Variants in DPP10 observed in about 807,000 individuals in gnomAD.
DPP10 encodes inactive dipeptidyl peptidase 10.
Under a neutral mutation model 120.9 loss-of-function variants are expected in DPP10, and 33 were observed. The ratio of observed to expected loss-of-function variants is 0.27; its 90% CI spans 0.21 to 0.37. The LOEUF is 0.37. Ranked by LOEUF, DPP10 falls within the 10% of genes least tolerant of loss-of-function variation. The pLI is 1.00. For missense variants in DPP10, 816 were observed against 942.8 expected (o/e 0.87, Z 1.76); for synonymous variants, 337 against 326.1 (o/e 1.03, Z -0.36).
chr2:114,779,826 A>G (rs1682124801), intron 1 of DPP10, among the ~76,000 whole-genome samples: 1 of 152,158 alleles, frequency 6.6e-6, no homozygotes, highest in Non-Finnish European at 1.5e-5. Flanking sequence ...ACATTTTCTC[A>G]TGAGGATAAC....
At position 115,527,398 on chromosome 2, in the gene DPP10, A is replaced by T. The variant is rs181366153; in HGVS notation, c.441+1426A>T. 2.5e-3 allele frequency among the ~76,000 whole-genome samples: 384 copies of T among 152,268 alleles called. 1 individual carries two copies. Among genetic ancestry groups the T allele is most frequent in the Non-Finnish European group, 4.0e-3 (274 of 68,020 alleles). On this transcript the variant is annotated intron_variant, in intron 5 of 25. Transcript: ENST00000410059. ...GCCACACACCTTATACAAACTCAGA[A>T]TGGATCATGCTTTTAAATGTAAAGT...
intron 1 of DPP10, chr2:115,162,159 C>G (rs1380536014): frequency 6.0e-5 from 92 of 1,541,756 alleles, no homozygotes; most frequent in Non-Finnish European, 8.0e-5. Flanking sequence ...CGCCCCAGTT[C>G]CAGGCTCTCC....
At chr2:115,378,791 C>G (rs1354841786) in intron 3 of DPP10, among the ~76,000 whole-genome samples, 2 of 152,164 alleles carry the variant, frequency 1.3e-5, no homozygotes, top group African/African-American at 4.8e-5. Flanking sequence ...AAGGCCTTTT[C>G]TGCATCTATT....
intron 1 of DPP10, among the ~76,000 whole-genome samples, chr2:114,961,069 T>TTTTTTTTTTTTTTTTTTTC (rs1698587372): frequency 9.0e-6 from 1 of 110,640 alleles, no homozygotes; most frequent in Admixed American, 1.0e-4. Flanking sequence ...TTTTTTTTTT[T>TTTTTTTTTTTTTTTTTTTC]TGGCAGAGTT....
At chr2:114,644,510 G>A (rs1038272784) in intron 1 of DPP10, among the ~76,000 whole-genome samples, 2 of 151,648 alleles carry the variant, frequency 1.3e-5, no homozygotes, top group Non-Finnish European at 2.9e-5. Flanking sequence ...ATCCAAAGTG[G>A]GACTCTCATT....
At chr2:114,494,165 T>C (rs1682287217) in intron 1 of DPP10, among the ~76,000 whole-genome samples, 1 of 150,408 alleles carries the variant, frequency 6.6e-6, no homozygotes, top group Admixed American at 6.6e-5. Flanking sequence ...AGCTGATTTC[T>C]GGAGGCAGAC....
chr2:115,554,904 C>T lies in DPP10; in HGVS notation c.441+28932C>T, dbSNP rs1247298052. ...GTTTTACTGAACAAATCACTCCTGA[C>T]ACATTGGGTTGAGTTATCTGCTGAT... On this transcript the variant is annotated intron_variant, in intron 5 of 25. Transcript: ENST00000410059. Among the ~76,000 whole-genome samples, 11 of 152,074 alleles carry T rather than the reference C, an allele frequency of 7.2e-5. 1 individual carries two copies. The highest frequency in any genetic ancestry group is 5.2e-4 in the Admixed American group (8 of 15,242).
intron 1 of DPP10, among the ~76,000 whole-genome samples, chr2:115,067,306 C>A (rs1415960443): frequency 6.6e-6 from 1 of 151,836 alleles, no homozygotes; most frequent in African/African-American, 2.4e-5. Flanking sequence ...GGCTGGAGTG[C>A]GGTGGCGCCA....
At chr2:114,914,903 G>T (rs187539591) in intron 1 of DPP10, among the ~76,000 whole-genome samples, 2 of 152,108 alleles carry the variant, frequency 1.3e-5, no homozygotes, top group Admixed American at 6.5e-5. Context: ...AGGCCGAGGC[G>T]GGCGGATCAT....
At position 115,768,362 on chromosome 2, in the gene DPP10, G is replaced by C. The variant is rs773626974; in HGVS notation, c.1179G>C (p.Gly393=). 6.2e-7 allele frequency: 1 copy of C among 1,613,576 alleles called. No individual in the cohort carries two copies. The highest frequency in any genetic ancestry group is 1.1e-5 in the South Asian group (1 of 91,070). Reference sequence around the variant, plus strand: ...TTATGACAGTGCCTGTTAAGCAAGGGGGACGTGGAGAATTTCACCACGTAG... The same window carrying C: ...TTATGACAGTGCCTGTTAAGCAAGGCGGACGTGGAGAATTTCACCACGTAG... The part of the protein sequence containing the change: ...KFFMTVPVKQ[G]GRGEFHHVAM... Residue 393 remains glycine, a synonymous_variant, in exon 13 of 26, where the codon GGG becomes GGC. Coordinates refer to ENST00000410059, the MANE Select transcript of DPP10 (RefSeq NM_020868.6).
intron 1 of DPP10, among the ~76,000 whole-genome samples, chr2:115,028,848 T>A (rs556875961): frequency 6.6e-6 from 1 of 152,190 alleles, no homozygotes; most frequent in Admixed American, 6.5e-5. Context: ...TTACTTGTAG[T>A]CTATTTTATC....
chr2:114,887,327 A>G (rs1692158653), intron 1 of DPP10, among the ~76,000 whole-genome samples: 1 of 152,230 alleles, frequency 6.6e-6, no homozygotes, highest in Admixed American at 6.5e-5. Flanking sequence ...TAGGCTCGGG[A>G]GAAAAAAATA....
At chr2:115,841,324 C>T (rs1222515696) in intron 25 of DPP10, among the ~76,000 whole-genome samples, 1 of 152,110 alleles carries the variant, frequency 6.6e-6, no homozygotes, top group Non-Finnish European at 1.5e-5. Flanking sequence ...ATTTGCACTA[C>T]CATTTATGTC....
At chr2:115,699,020 C>A (rs1410451750) in intron 7 of DPP10, among the ~76,000 whole-genome samples, 4 of 38,676 alleles carry the variant, frequency 1.0e-4, no homozygotes, top group Admixed American at 5.8e-4. Context: ...GTTAGCTTGA[C>A]TGAAAAAAAA....
chr2:115,791,150 A>G lies in DPP10; in HGVS notation c.1601A>G (p.Glu534Gly). The change falls in exon 18 of 26, where the codon GAA (glutamate) becomes GGA (glycine). Residue 534 changes from glutamate to glycine, a missense_variant. Transcript: ENST00000410059. ...AILKKKIGKP[E>G]IKILHIDDYE... ...CTGAAGAAGAAGATAGGAAAGCCAG[A>G]AATTAAAATCCTTCATATTGACGAC... The G allele has an allele frequency of 6.2e-7, 1 of 1,613,654 alleles. No individual in the cohort carries two copies. Among genetic ancestry groups the G allele is most frequent in the Non-Finnish European group, 8.5e-7 (1 of 1,179,776 alleles).
At chr2:115,694,474 A>G (rs2091477991) in intron 7 of DPP10, among the ~76,000 whole-genome samples, 1 of 152,186 alleles carries the variant, frequency 6.6e-6, no homozygotes, top group Non-Finnish European at 1.5e-5. Flanking sequence ...CAATAGCACT[A>G]AGTGTGAGTA....
chr2:115,464,437 A>G lies in DPP10; in HGVS notation c.272-35073A>G, dbSNP rs534003057. ...AAACACAAACAAAACAAAACAAACAAACAAAAAAAACAGCGGTACAGGAGA... is the reference window on the plus strand; with the variant it reads ...AAACACAAACAAAACAAAACAAACAGACAAAAAAAACAGCGGTACAGGAGA... On this transcript the variant is annotated intron_variant, in intron 3 of 25. Transcript: ENST00000410059. 5.3e-5 allele frequency among the ~76,000 whole-genome samples: 8 copies of G among 152,106 alleles called. No individual in the cohort carries two copies. The South Asian group carries it at 1.0e-3, about 20-fold the overall frequency.
rs953654754 is a variant in DPP10 at position 115,381,217 on chromosome 2, C to G, written c.271+37305C>G. Among the ~76,000 whole-genome samples, 8 of 152,280 alleles carry G rather than the reference C, an allele frequency of 5.3e-5. No homozygotes were observed. The East Asian group carries it at 1.4e-3, about 26-fold the overall frequency. Reference sequence around the variant, plus strand: ...ATCAGTCGTAGATTTGGTCTTTTCCCTTAGTCCCATATTTCTTGGAGGCTT... The same window carrying G: ...ATCAGTCGTAGATTTGGTCTTTTCCGTTAGTCCCATATTTCTTGGAGGCTT... On this transcript the variant is annotated intron_variant, in intron 3 of 25. Transcript: ENST00000410059.
At chr2:115,824,335 C>T (rs374865608) in intron 21 of DPP10, among the ~76,000 whole-genome samples, 19 of 152,154 alleles carry the variant, frequency 1.2e-4, no homozygotes, top group African/African-American at 1.2e-4. Flanking sequence ...TTAAGTACCA[C>T]GGTACACGTG....
Sources: gnomAD v4.1 joint callset for allele counts (sites outside exome capture counted in the v4.1 genomes callset) on GRCh38, gnomAD v4.1.1 for gene constraint, MANE v1.5 for transcripts, NCBI Gene and HGNC (gene_info 2026-07-23, HGNC 2026-07-21) for gene names.